NSD3: variants seen among roughly 807,000 people sequenced by gnomAD.
The protein encoded by NSD3 is histone-lysine N-methyltransferase NSD3.
Under a neutral mutation model 160.8 loss-of-function variants are expected in NSD3, and 24 were observed. That is an observed-to-expected ratio of 0.15 (90% CI 0.11 to 0.21). NSD3 has a LOEUF of 0.21. NSD3 is among the 10% of genes least tolerant of loss of function. The pLI, the probability that NSD3 is intolerant of heterozygous loss-of-function variation, is 1.00. For missense variants in NSD3, 1,157 were observed against 1,735.9 expected (o/e 0.67, Z 5.93); for synonymous variants, 520 against 600.0 (o/e 0.87, Z 1.95).
In NSD3 at chr8:38,316,391, G is replaced by GA. The variant is rs538337780; in HGVS notation, c.1856-350dup. The GA allele has an allele frequency of 4.6e-3, 4,975 of 1,083,736 alleles. 13 individuals carry two copies. Among genetic ancestry groups the GA allele is most frequent in the Non-Finnish European group, 5.3e-3 (4,680 of 889,662 alleles). The allele number at this position is 1,083,736 out of a possible 1,614,324, so 67.1% of individuals were successfully genotyped here. A position where few individuals can be genotyped will look rare whatever the true frequency, so the allele number is the denominator to read the frequency against. ...CAAAGAACCATTCAATTTGGAGGGG[G>GA]AAGACATAAAACCCAACACACTGTG... is the stretch of plus-strand genomic sequence containing the variant. On this transcript the variant is annotated intron_variant, in intron 9 of 23. Transcript: ENST00000317025. This position sits in a 1 kb window ranked among gnomAD's most constrained non-coding sequence, Gnocchi z 4.5.
intron 17 of NSD3, among the ~76,000 whole-genome samples, chr8:38,289,878 T>C (rs1808958218): frequency 6.6e-6 from 1 of 152,186 alleles, no homozygotes; most frequent in Non-Finnish European, 1.5e-5. Flanking sequence ...TCATGGCAAG[T>C]CTTTACTACT....
intron 12 of NSD3, among the ~76,000 whole-genome samples, chr8:38,307,977 C>G (rs1300562401): frequency 6.6e-6 from 1 of 152,032 alleles, no homozygotes; most frequent in Non-Finnish European, 1.5e-5. Flanking sequence ...AATAAAGATA[C>G]AGAAAGAAAT....
intron 16 of NSD3, 83 bp from the exon 17 acceptor site, chr8:38,290,760 A>T (rs1585858914): frequency 1.4e-6 from 2 of 1,453,114 alleles, no homozygotes; most frequent in South Asian, 2.5e-5. Flanking sequence ...AAGGGAAAAA[A>T]GTTTTTGTAT....
At position 38,317,975 on chromosome 8, in the gene NSD3, A is replaced by G. The variant is rs766600639; in HGVS notation, c.1855+920T>C. The G allele has an allele frequency of 6.2e-7, 1 of 1,614,196 alleles. No individual in the cohort carries two copies. Among genetic ancestry groups the G allele is most frequent in the Non-Finnish European group, 8.5e-7 (1 of 1,180,016 alleles). On this transcript the variant is annotated intron_variant, in intron 9 of 23. Transcript: ENST00000317025. The surrounding 1 kb of genome is among the most constrained non-coding windows in gnomAD (Gnocchi z 5.3). ...GGAATCTCAGTCCACAGTTTCCTCA[A>G]TCGCTGCGGAGACGGAGCTGTCACT...
At position 38,317,421 on chromosome 8, in the gene NSD3, A is replaced by G; in HGVS notation, c.1856-1379T>C. On this transcript the variant is annotated intron_variant, in intron 9 of 23. Coordinates refer to ENST00000317025, the MANE Select transcript of NSD3 (RefSeq NM_023034.2). The surrounding 1 kb of genome is among the most constrained non-coding windows in gnomAD (Gnocchi z 5.3). ...CTGGATTAACAAGGAGTTTTAACAG[A>G]GGAACAGGAGTGCTGTACTGAGAGG... is the stretch of plus-strand genomic sequence containing the variant. The G allele has an allele frequency of 9.5e-7, 1 of 1,054,870 alleles. No individual in the cohort carries two copies. The highest frequency in any genetic ancestry group is 1.7e-5 in the African/African-American group (1 of 60,522). The allele number at this position is 1,054,870 out of a possible 1,614,324, so 65.3% of individuals were successfully genotyped here. A position where few individuals can be genotyped will look rare whatever the true frequency, so the allele number is the denominator to read the frequency against.
At chr8:38,296,674 CTG>C (rs57485296) in intron 15 of NSD3, among the ~76,000 whole-genome samples, 6,046 of 142,166 alleles carry the variant, frequency 0.043, 124 homozygotes, top group African/African-American at 0.082. Flanking sequence ...CTCTCTCCCT[CTG>C]TGTGTGTGTG....
At chr8:38,276,542 A>G (rs1808605832) in intron 22 of NSD3, 42 bp from the exon 23 acceptor site, 2 of 1,606,366 alleles carry the variant, frequency 1.2e-6, no homozygotes, top group Non-Finnish European at 1.7e-6. Context: ...CATCACAGAC[A>G]GTGCATGAAG....
rs539692227 is a variant in NSD3, at chr8:38,336,753, G to T, written c.910+552C>A. On this transcript the variant is annotated intron_variant, in intron 4 of 23. Transcript: ENST00000317025. Reference sequence around the variant, plus strand: ...AAAAGCAAGTGTAAGCAAATTATAAGCAAATGTAGGGTATCATAAGGGAAA... The same window carrying T: ...AAAAGCAAGTGTAAGCAAATTATAATCAAATGTAGGGTATCATAAGGGAAA... 2.6e-5 allele frequency among the ~76,000 whole-genome samples: 4 copies of T among 152,242 alleles called. No individual in the cohort carries two copies. The South Asian group carries it at 8.3e-4, about 32-fold the overall frequency.
Position 38,333,638 on chromosome 8 carries a change from C to T in NSD3, c.911-2053G>A, listed in dbSNP as rs576593345. On this transcript the variant is annotated intron_variant, in intron 4 of 23. Coordinates refer to ENST00000317025, the MANE Select transcript of NSD3 (RefSeq NM_023034.2). ...ATCCCAGCACTTTGGGAGGCCGAGG[C>T]GGGTGGATCATGAGGTCAGGAGATC... Among the ~76,000 whole-genome samples the T allele has an allele frequency of 1.2e-4, 18 of 151,986 alleles. 1 individual carries two copies. The South Asian group carries it at 2.1e-3, about 18-fold the overall frequency.
chr8:38,283,445 C>T (rs1056416830), intron 19 of NSD3, among the ~76,000 whole-genome samples: 1 of 128,758 alleles, frequency 7.8e-6, no homozygotes, highest in Non-Finnish European at 1.6e-5. Flanking sequence ...TAGCCCTTCT[C>T]ATAGCTCTTA....
intron 16 of NSD3, among the ~76,000 whole-genome samples, chr8:38,291,939 T>C (rs1809005434): frequency 6.6e-6 from 1 of 152,184 alleles, no homozygotes; most frequent in African/African-American, 2.4e-5. Flanking sequence ...TTCCAAAACA[T>C]ACAAGAAGAA....
At chr8:38,303,151 CA>C in intron 14 of NSD3, 2 of 849,576 alleles carry the variant, frequency 2.4e-6, no homozygotes, top group Non-Finnish European at 2.8e-6. Context: ...GTTTGCAAAG[CA>C]ATAAGAGACT....
intron 2 of NSD3, among the ~76,000 whole-genome samples, chr8:38,344,721 C>T (rs1162743787): frequency 6.6e-6 from 1 of 152,146 alleles, no homozygotes; most frequent in Non-Finnish European, 1.5e-5. Flanking sequence ...AGATTTAAAT[C>T]AGACTTTTTT....
At chr8:38,282,754 G>GA (rs1306690005) in intron 19 of NSD3, among the ~76,000 whole-genome samples, 1 of 150,028 alleles carries the variant, frequency 6.7e-6, no homozygotes, top group African/African-American at 2.5e-5. Flanking sequence ...TGGCTTTAAA[G>GA]AAAAAAATCA....
chr8:38,305,880 A>C (rs1237595331), intron 12 of NSD3, among the ~76,000 whole-genome samples: 1 of 152,180 alleles, frequency 6.6e-6, no homozygotes, highest in Non-Finnish European at 1.5e-5. Context: ...ACAGCTAGAC[A>C]TATCTTATTC....
At chr8:38,356,950 C>T (rs545081003) in intron 1 of NSD3, among the ~76,000 whole-genome samples, 2 of 150,646 alleles carry the variant, frequency 1.3e-5, no homozygotes, top group South Asian at 4.2e-4. Flanking sequence ...GAAACCCCGT[C>T]TCTACTAAAA....
At position 38,304,623 on chromosome 8, in the gene NSD3, CAGA is replaced by C; in HGVS notation, c.2572_2574del (p.Ser858del). The stretch of plus-strand genomic sequence containing the variant: ...ACGAAACAAAAGCCTACATTTACAG[CAGA>C]AGAATTACTGCTCCGTTTGGAATGA... On this transcript the variant is annotated inframe_deletion, in exon 14 of 24. Transcript: ENST00000317025. 1 of 1,613,238 alleles carries C rather than the reference CAGA, an allele frequency of 6.2e-7. No homozygotes were observed. Among genetic ancestry groups the C allele is most frequent in the Non-Finnish European group, 8.5e-7 (1 of 1,179,724 alleles).
At chr8:38,367,405 A>G (rs1045453376) in intron 1 of NSD3, among the ~76,000 whole-genome samples, 23 of 152,136 alleles carry the variant, frequency 1.5e-4, no homozygotes, top group Admixed American at 1.4e-3. Flanking sequence ...ATATATATAT[A>G]TATGTGGTTA....
At position 38,311,359 on chromosome 8, in the gene NSD3, C is replaced by T. The variant is rs543470000; in HGVS notation, c.2242+3288G>A. On this transcript the variant is annotated intron_variant, in intron 12 of 23. Transcript: ENST00000317025. ...TTTGTTTTTTTGAGATGGAGTTTTG[C>T]TCTTGTTGCCCAGGCTGGAGTGCAA... 2.1e-4 allele frequency among the ~76,000 whole-genome samples: 32 copies of T among 152,076 alleles called. No homozygotes were observed. The South Asian group carries it at 6.4e-3, about 31-fold the overall frequency.
Sources: allele counts gnomAD v4.1 joint callset (sites outside exome capture counted in the v4.1 genomes callset), GRCh38; gene constraint gnomAD v4.1.1; non-coding constraint Gnocchi (gnomAD v3.1); transcripts MANE v1.5; gene names NCBI Gene and HGNC (gene_info 2026-07-23, HGNC 2026-07-21).